MMD2: variants seen among roughly 807,000 people sequenced by gnomAD.
MMD2 encodes the protein monocyte to macrophage differentiation associated 2, also known as monocyte to macrophage differentiation factor 2.
A neutral mutation model predicts 33.5 loss-of-function variants in MMD2; 30 were observed. That is an observed-to-expected ratio of 0.90 (90% confidence interval 0.67 to 1.22). MMD2 has a LOEUF of 1.22. Ranked by LOEUF, MMD2 falls within the 50% of genes most tolerant of loss-of-function variation. The pLI is 0.00. For missense variants in MMD2, 364 were observed against 325.4 expected, an observed-to-expected ratio of 1.12 and a Z score of -0.91; for synonymous variants, 129 against 123.0, an observed-to-expected ratio of 1.05 and a Z score of -0.32.
chr7:4,895,981 T>C, the MMD2 span, among the ~76,000 whole-genome samples: 2 of 152,154 alleles, frequency 1.3e-5, no homozygotes, highest in Non-Finnish European at 2.9e-5. Context: ...CGTTTTCCCA[T>C]CACTCCTTCC....
At chr7:4,943,730 C>T (rs1785975535) in intron 1 of MMD2, among the ~76,000 whole-genome samples, 1 of 152,144 alleles carries the variant, frequency 6.6e-6, no homozygotes. Flanking sequence ...ATCCTAGACA[C>T]TTCACAAACT....
intron 1 of MMD2, among the ~76,000 whole-genome samples, chr7:4,937,235 A>G (rs1785766688): frequency 6.6e-6 from 1 of 151,324 alleles, no homozygotes; most frequent in Non-Finnish European, 1.5e-5. Context: ...CATCTCTACT[A>G]AAAATACAAA....
chr7:4,930,658 G>C (rs59053344), intron 1 of MMD2, among the ~76,000 whole-genome samples: 82,659 of 142,930 alleles, frequency 0.58, 25,083 homozygotes, highest in African/African-American at 0.73. Context: ...AAAAAAAAGA[G>C]GAAAGAGACA....
At chr7:4,935,214 A>T (rs1267615666) in intron 1 of MMD2, among the ~76,000 whole-genome samples, 1 of 151,710 alleles carries the variant, frequency 6.6e-6, no homozygotes, top group Admixed American at 6.6e-5. Flanking sequence ...CTAGCTATAC[A>T]TGGTGGGGCA....
Position 4,918,800 on chromosome 7 carries a change from T to G in MMD2, c.290+1371A>C, listed in dbSNP as rs188958815. ...ACCTTGCCTGGCCTGTAATTTTTTT[T>G]TTTTTAATCAAAACTAGCCAGGCAC... On this transcript the variant is annotated intron_variant, in intron 3 of 6. Coordinates refer to ENST00000401401, the MANE Select transcript of MMD2 (RefSeq NM_198403.4). Among the ~76,000 whole-genome samples, 30 of 152,162 alleles carry G rather than the reference T, an allele frequency of 2.0e-4. 1 individual carries two copies. In the Middle Eastern group the frequency reaches 0.014, roughly 69 times the overall value.
At chr7:4,892,600 A>AAAT in the MMD2 span, among the ~76,000 whole-genome samples, 2 of 146,904 alleles carry the variant, frequency 1.4e-5, no homozygotes, top group African/African-American at 2.5e-5. Flanking sequence ...ATAAATAAAT[A>AAAT]AATAAATAAA....
chr7:4,898,975 TAGGA>T, the MMD2 span, among the ~76,000 whole-genome samples: 8 of 150,338 alleles, frequency 5.3e-5, no homozygotes, highest in South Asian at 4.3e-4. Flanking sequence ...GGAAGGAAGC[TAGGA>T]AGGAAGGAAG....
chr7:4,929,985 C>G (rs111332151), intron 1 of MMD2, among the ~76,000 whole-genome samples: 3,120 of 152,096 alleles, frequency 0.021, 110 homozygotes, highest in African/African-American at 0.071. Context: ...AAGATGAGGC[C>G]AGGGCCGGGT....
intron 1 of MMD2, among the ~76,000 whole-genome samples, chr7:4,935,979 G>A (rs908577337): frequency 6.6e-6 from 1 of 152,060 alleles, no homozygotes; most frequent in African/African-American, 2.4e-5. Flanking sequence ...GAGGTCAGGA[G>A]TTCGAGACCA....
rs1786066630 is a variant in MMD2 at position 4,946,015 on chromosome 7, C to A, written c.47+12956G>T. Among the ~76,000 whole-genome samples, 1 of 152,176 alleles carries A rather than the reference C, an allele frequency of 6.6e-6. No individual in the cohort carries two copies. Among genetic ancestry groups the A allele is most frequent in the Non-Finnish European group, 1.5e-5 (1 of 68,024 alleles). On this transcript the variant is annotated intron_variant, in intron 1 of 6. Transcript: ENST00000401401. The surrounding 1 kb of genome is among the most constrained non-coding windows in gnomAD (Gnocchi z 5.0). ...CATTCCTATGTAACGCAGCTGCCTGCTCAGAGAAGATTCCTCTGGAGACGT... is the reference window on the plus strand; with the variant it reads ...CATTCCTATGTAACGCAGCTGCCTGATCAGAGAAGATTCCTCTGGAGACGT...
At chr7:4,894,709 G>T in the MMD2 span, among the ~76,000 whole-genome samples, 1 of 152,090 alleles carries the variant, frequency 6.6e-6, no homozygotes, top group African/African-American at 2.4e-5. The surrounding 1 kb of genome is among the most constrained non-coding windows in gnomAD (Gnocchi z 4.3). Context: ...GCAGGAACCA[G>T]AGGGAACCCA....
chr7:4,933,525 T>C (rs182797099), intron 1 of MMD2, among the ~76,000 whole-genome samples: 1 of 152,270 alleles, frequency 6.6e-6, no homozygotes, highest in Admixed American at 6.5e-5. Context: ...GCAGGGAGCA[T>C]CTGAGATTCC....
intron 1 of MMD2, among the ~76,000 whole-genome samples, chr7:4,933,502 GC>G (rs1785649894): frequency 6.6e-6 from 1 of 152,018 alleles, no homozygotes; most frequent in African/African-American, 2.4e-5. Context: ...TTGCCATCTG[GC>G]TTTGTTGTTG....
At chr7:4,925,282 G>A (rs1011938401) in intron 2 of MMD2, among the ~76,000 whole-genome samples, 169 bp downstream of exon 2, 1 of 151,762 alleles carries the variant, frequency 6.6e-6, no homozygotes, top group Admixed American at 6.6e-5. Flanking sequence ...CTGCAGTCCA[G>A]TTTACCCCAG....
chr7:4,938,422 G>C (rs1307032530), intron 1 of MMD2, among the ~76,000 whole-genome samples: 1 of 152,020 alleles, frequency 6.6e-6, no homozygotes, highest in Non-Finnish European at 1.5e-5. Flanking sequence ...GGCAGTGTGG[G>C]GCATCCCGTG....
the MMD2 span, among the ~76,000 whole-genome samples, chr7:4,896,046 CT>C: frequency 0.33 from 50,061 of 151,848 alleles, 9,291 homozygotes; most frequent in South Asian, 0.45. Flanking sequence ...GTGTCCCCTC[CT>C]TTTGGGATCT....
rs113436347 is a variant in MMD2, at chr7:4,909,659, T to C, written c.537+222A>G. ...CTATGTTGCCCAGGCTGGTCTCAAA[T>C]CCCTGGACTCAAACTATCCTCCCAC... On this transcript the variant is annotated intron_variant, in intron 6 of 6. Transcript: ENST00000401401. The C allele has an allele frequency of 0.014, 10,346 of 725,938 alleles. 797 individuals are homozygous for C. The African/African-American group carries it at 0.16, about 11-fold the overall frequency. The allele number at this position is 725,938 out of a possible 1,614,324, so 45.0% of individuals were successfully genotyped here. A position where few individuals can be genotyped will look rare whatever the true frequency, so the allele number is the denominator to read the frequency against.
At chr7:4,905,746 TC>T, downstream of MMD2, among the ~76,000 whole-genome samples, 1 of 151,894 alleles carries the variant, frequency 6.6e-6, no homozygotes, top group Non-Finnish European at 1.5e-5. This position sits in a 1 kb window ranked among gnomAD's most constrained non-coding sequence, Gnocchi z 5.0. Context: ...CAACCAGCCC[TC>T]CCCTGCAAAA....
Position 4,907,358 on chromosome 7 carries a change from C to T in MMD2, c.*38G>A, listed in dbSNP as rs778274571. The T allele has an allele frequency of 1.2e-6, 2 of 1,605,250 alleles. No individual in the cohort carries two copies. Among genetic ancestry groups the T allele is most frequent in the African/African-American group, 1.3e-5 (1 of 74,888 alleles). On this transcript the variant is annotated 3_prime_UTR_variant, in exon 7 of 7. Coordinates refer to ENST00000401401, the MANE Select transcript of MMD2 (RefSeq NM_198403.4). ...TTAACGTTCACAGAAACGTGCTCCA[C>T]TCCTAAAGCCCAAACGACCTCTCAA...
Sources: gnomAD v4.1 joint callset for allele counts (sites outside exome capture counted in the v4.1 genomes callset) on GRCh38, gnomAD v4.1.1 for gene constraint, Gnocchi (gnomAD v3.1) non-coding constraint, MANE v1.5 for transcripts, NCBI Gene and HGNC (gene_info 2026-07-23, HGNC 2026-07-21) for gene names.